CADM1: variants seen among roughly 807,000 people sequenced by gnomAD.
CADM1 encodes the protein TSLC-1.
A neutral mutation model predicts 53.1 loss-of-function variants in CADM1; 15 were observed. The ratio of observed to expected loss-of-function variants is 0.28; its 90% CI spans 0.19 to 0.44. The LOEUF (loss-of-function observed/expected upper bound fraction) is 0.44, where lower values mean the gene tolerates loss of function less well. Ranked by LOEUF, CADM1 falls within the 20% of genes least tolerant of loss-of-function variation. CADM1 has a pLI of 1.00. For missense variants in CADM1, 434 were observed against 611.3 expected, an observed-to-expected ratio of 0.71 and a Z score of 3.06; for synonymous variants, 281 against 243.0, an observed-to-expected ratio of 1.16 and a Z score of -1.45.
intron 1 of CADM1, among the ~76,000 whole-genome samples, chr11:115,466,091 T>C (rs963580821): frequency 2.0e-5 from 3 of 152,090 alleles, no homozygotes; most frequent in African/African-American, 7.2e-5. Flanking sequence ...GGTAAAGACA[T>C]GATGAGCCAA....
chr11:115,363,674 C>A (rs1946086301), intron 1 of CADM1: 1 of 152,120 alleles, frequency 6.6e-6, no homozygotes, highest in South Asian at 2.1e-4. Flanking sequence ...CTGAAGAATG[C>A]CTTCATTCAC....
intron 1 of CADM1, among the ~76,000 whole-genome samples, chr11:115,323,025 T>C (rs112187463): frequency 1.6e-3 from 241 of 152,290 alleles, no homozygotes; most frequent in African/African-American, 5.0e-3. Flanking sequence ...GTTTCCAAAT[T>C]GGCTGCACCA....
At chr11:115,345,835 C>A (rs143096153) in intron 1 of CADM1, among the ~76,000 whole-genome samples, 1 of 152,168 alleles carries the variant, frequency 6.6e-6, no homozygotes, top group African/African-American at 2.4e-5. Flanking sequence ...GATGCTCAAG[C>A]ATTTCTTCAC....
At chr11:115,377,608 T>C (rs1946470855) in intron 1 of CADM1, 1 of 152,210 alleles carries the variant, frequency 6.6e-6, no homozygotes. Flanking sequence ...CAAAGCTCAG[T>C]AGTCATTCAA....
chr11:115,177,663 C>G (rs1020756539), intron 11 of CADM1, among the ~76,000 whole-genome samples: 1 of 146,728 alleles, frequency 6.8e-6, no homozygotes, highest in South Asian at 2.3e-4. Context: ...GGCCTTACCT[C>G]CTGTCTCTGT....
intron 1 of CADM1, among the ~76,000 whole-genome samples, chr11:115,268,139 G>A (rs1943198960): frequency 6.6e-6 from 1 of 152,094 alleles, no homozygotes; most frequent in East Asian, 1.9e-4. Flanking sequence ...CACTGGCCTT[G>A]TAGCCAACAG....
chr11:115,453,093 T>C (rs943956561), intron 1 of CADM1, among the ~76,000 whole-genome samples: 9 of 152,210 alleles, frequency 5.9e-5, no homozygotes, highest in African/African-American at 2.2e-4. Flanking sequence ...AAGGAAGCAC[T>C]CGACCAGGTG....
chr11:115,404,057 T>A (rs1427355396), intron 1 of CADM1, among the ~76,000 whole-genome samples: 1 of 150,758 alleles, frequency 6.6e-6, no homozygotes, highest in Non-Finnish European at 1.5e-5. Flanking sequence ...TGGGCACAGT[T>A]GCTCACGCCT....
intron 1 of CADM1, among the ~76,000 whole-genome samples, chr11:115,253,826 A>T (rs1174381136): frequency 6.6e-6 from 1 of 152,192 alleles, no homozygotes; most frequent in Admixed American, 6.5e-5. Context: ...ACAAATCGTT[A>T]TGTGTCTCAG....
intron 5 of CADM1, among the ~76,000 whole-genome samples, chr11:115,222,195 A>G (rs1941432326): frequency 6.6e-6 from 1 of 152,184 alleles, no homozygotes; most frequent in African/African-American, 2.4e-5. Flanking sequence ...GGTCTGGGTC[A>G]GCCCCTGTGC....
chr11:115,221,198 T>C (rs917780666), intron 5 of CADM1, among the ~76,000 whole-genome samples: 1 of 152,192 alleles, frequency 6.6e-6, no homozygotes, highest in Non-Finnish European at 1.5e-5. Flanking sequence ...GGAACTGCTA[T>C]ATAAAAATAA....
intron 3 of CADM1, among the ~76,000 whole-genome samples, chr11:115,235,937 G>C (rs1941995423): frequency 6.6e-6 from 1 of 152,154 alleles, no homozygotes; most frequent in Admixed American, 6.5e-5. Context: ...CAAGTGGAAG[G>C]AATGAATGAA....
At chr11:115,243,936 G>T (rs1942325078) in intron 1 of CADM1, among the ~76,000 whole-genome samples, 1 of 152,200 alleles carries the variant, frequency 6.6e-6, no homozygotes, top group African/African-American at 2.4e-5. Flanking sequence ...TTAACAGGAA[G>T]GTGATTTATT....
At chr11:115,292,775 C>T (rs753974547) in intron 1 of CADM1, among the ~76,000 whole-genome samples, 13 of 152,192 alleles carry the variant, frequency 8.5e-5, no homozygotes, top group Non-Finnish European at 1.5e-4. Flanking sequence ...GGACCCAGAA[C>T]TCAAATCCTA....
intron 1 of CADM1, among the ~76,000 whole-genome samples, chr11:115,467,262 C>A (rs779501161): frequency 3.3e-5 from 5 of 152,196 alleles, no homozygotes; most frequent in Non-Finnish European, 7.4e-5. Context: ...ATGACTACTT[C>A]TACCTTCTAA....
At chr11:115,313,091 A>C (rs1039528439) in intron 1 of CADM1, among the ~76,000 whole-genome samples, 2 of 152,194 alleles carry the variant, frequency 1.3e-5, no homozygotes, top group South Asian at 4.1e-4. Flanking sequence ...GCTTCTAAAC[A>C]AAGATCCTGA....
chr11:115,415,870 G>A (rs941389248), intron 1 of CADM1, among the ~76,000 whole-genome samples: 3 of 148,242 alleles, frequency 2.0e-5, no homozygotes, highest in Admixed American at 2.0e-4. Flanking sequence ...ATTCTAAGTG[G>A]GATAATCAAA....
chr11:115,180,627 A>AT lies in CADM1; in HGVS notation c.1166-1853dup, dbSNP rs112512887. 1.9e-3 allele frequency among the ~76,000 whole-genome samples: 282 copies of AT among 145,572 alleles called. 2 individuals carry two copies. The highest frequency in any genetic ancestry group is 4.8e-3 in the East Asian group (24 of 5,004). On this transcript the variant is annotated intron_variant, in intron 10 of 11. Coordinates refer to ENST00000331581, the MANE Select transcript of CADM1 (RefSeq NM_001301043.2). ...CAACAAGGCAGAACTCGGTCAAGGG[A>AT]TTTTTTTTTTTTTCCTTTTTAGAGA... is the stretch of plus-strand genomic sequence containing the variant.
At chr11:115,501,199 C>T (rs1402035618) in intron 1 of CADM1, among the ~76,000 whole-genome samples, 1 of 152,178 alleles carries the variant, frequency 6.6e-6, no homozygotes, top group Non-Finnish European at 1.5e-5. Flanking sequence ...CAGTGACACA[C>T]TGTAAATATA....
Sources: allele counts gnomAD v4.1 joint callset (sites outside exome capture counted in the v4.1 genomes callset), GRCh38; gene constraint gnomAD v4.1.1; transcripts MANE v1.5; gene names NCBI Gene and HGNC (gene_info 2026-07-23, HGNC 2026-07-21).